Variants in ROPN1L observed in about 807,000 individuals in gnomAD.
ROPN1L encodes the protein rhophilin associated tail protein 1 like.
Under a neutral mutation model 22.7 loss-of-function variants are expected in ROPN1L, and 23 were observed. The observed-to-expected ratio is 1.01, with a 90% confidence interval of 0.73 to 1.43. The LOEUF is 1.43. Ranked by LOEUF, ROPN1L falls within the 40% of genes most tolerant of loss-of-function variation. ROPN1L has a pLI of 0.00. For missense variants in ROPN1L, 271 were observed against 291.5 expected (o/e 0.93, Z 0.51); for synonymous variants, 116 against 117.8 (o/e 0.98, Z 0.10).
chr5:10,449,406 C>G (rs1741181985), intron 2 of ROPN1L, among the ~76,000 whole-genome samples: 1 of 152,004 alleles, frequency 6.6e-6, no homozygotes, highest in Non-Finnish European at 1.5e-5. Flanking sequence ...GTAATCCCAG[C>G]TACTTGGGAG....
rs528247336 is a variant in ROPN1L at position 10,450,239 on chromosome 5, GCT to G, written c.417+128_417+129del. The G allele has an allele frequency of 1.6e-4, 102 of 646,478 alleles. No individual in the cohort carries two copies. In the South Asian group the frequency reaches 2.3e-3, roughly 15 times the overall value. 40.0% of individuals were successfully genotyped at this position (646,478 alleles called of 1,614,324 possible). On this transcript the variant is annotated intron_variant, in intron 3 of 4. Transcript: ENST00000274134. Reference sequence around the variant, plus strand: ...TTGTCTTAGAAAAGCATTTCCCCCTGCTCCAGGCCTATTATATTAATATTTTC... The same window carrying G: ...TTGTCTTAGAAAAGCATTTCCCCCTGCCAGGCCTATTATATTAATATTTTC...
chr5:10,461,233 C>G lies in ROPN1L; in HGVS notation c.467C>G (p.Pro156Arg), dbSNP rs17851209. The G allele has an allele frequency of 6.2e-7, 1 of 1,614,138 alleles. No homozygotes were observed. Among genetic ancestry groups the G allele is most frequent in the Non-Finnish European group, 8.5e-7 (1 of 1,180,022 alleles). The change falls in exon 4 of 5, where the codon CCG (proline) becomes CGG (arginine). Residue 156 changes from proline to arginine, a missense_variant. Physicochemically the swap from Pro to Arg is moderately radical, Grantham distance 103. Transcript: ENST00000274134. ...CTGTGCGAGATCCTCACGGACGATC[C>G]GGAGGGCGGGCCCGCTCGCATCCCC... Reference protein sequence around the residue: ...KHLCEILTDDPEGGPARIPFK... With the variant: ...KHLCEILTDDREGGPARIPFK...
downstream of ROPN1L, among the ~76,000 whole-genome samples, chr5:10,473,722 G>A (rs918066785): frequency 2.0e-5 from 3 of 152,156 alleles, no homozygotes; most frequent in African/African-American, 7.2e-5. Flanking sequence ...TTTTGATTCC[G>A]AAAATAACAG....
At chr5:10,455,436 G>GCTTCC (rs754142313) in intron 3 of ROPN1L, among the ~76,000 whole-genome samples, 42 of 152,320 alleles carry the variant, frequency 2.8e-4, no homozygotes, top group Admixed American at 1.2e-3. Flanking sequence ...CCCTGAAGAC[G>GCTTCC]AAGGAGCCGC....
intron 3 of ROPN1L, among the ~76,000 whole-genome samples, chr5:10,459,675 C>T (rs1312919083): frequency 6.6e-6 from 1 of 152,156 alleles, no homozygotes; most frequent in Admixed American, 6.5e-5. Flanking sequence ...GGCTCCTTCC[C>T]CCTGGGTCTG....
In ROPN1L at chr5:10,464,899, G is replaced by T. The variant is rs1333615586; in HGVS notation, c.645G>T (p.Lys215Asn). 10 of 1,608,590 alleles carry T rather than the reference G, an allele frequency of 6.2e-6. No individual in the cohort carries two copies. The highest frequency in any genetic ancestry group is 8.5e-6 in the Non-Finnish European group (10 of 1,177,992). The change falls in exon 5 of 5, where the codon AAG becomes AAT. Residue 215 changes from lysine (K) to asparagine (N), a missense_variant. Lys to Asn is a moderately conservative substitution (Grantham distance 94, BLOSUM62 0). Coordinates refer to ENST00000274134, the MANE Select transcript of ROPN1L (RefSeq NM_031916.5). ...GTCTTTCAGATTTCTTCTTTCCAAAGAGGAAACTTTTAGAAAGCATTGAAA... is the reference window on the plus strand; with the variant it reads ...GTCTTTCAGATTTCTTCTTTCCAAATAGGAAACTTTTAGAAAGCATTGAAA... ...MIGLSDFFFPKRKLLESIENS... is the reference protein window; with the variant it reads ...MIGLSDFFFPNRKLLESIENS...
chr5:10,442,146 C>G lies in ROPN1L; in HGVS notation c.-22C>G, dbSNP rs566292292. ...TCGCAGCGCGCCGCGATTCACCAGC[C>G]TGGTCCCTTCTGCGGAGAGCGATGC... On this transcript the variant is annotated 5_prime_UTR_variant, in exon 1 of 5. Coordinates refer to ENST00000274134, the MANE Select transcript of ROPN1L (RefSeq NM_031916.5). The G allele has an allele frequency of 4.3e-6, 7 of 1,609,794 alleles. No homozygotes were observed. Among genetic ancestry groups the G allele is most frequent in the Non-Finnish European group, 5.9e-6 (7 of 1,176,984 alleles).
chr5:10,462,234 C>T (rs1735046026), intron 4 of ROPN1L, among the ~76,000 whole-genome samples: 1 of 152,236 alleles, frequency 6.6e-6, no homozygotes, highest in African/African-American at 2.4e-5. Context: ...GGAGATTCCA[C>T]AGATTTTACT....
chr5:10,445,849 G>A (rs1741044639), intron 1 of ROPN1L, among the ~76,000 whole-genome samples: 1 of 152,198 alleles, frequency 6.6e-6, no homozygotes, highest in African/African-American at 2.4e-5. Context: ...CTTGAGCCCA[G>A]GAGTTGGAGG....
At chr5:10,448,832 C>CCT (rs755156970) in intron 2 of ROPN1L, among the ~76,000 whole-genome samples, 1 of 152,202 alleles carries the variant, frequency 6.6e-6, no homozygotes, top group Non-Finnish European at 1.5e-5. Context: ...TGGGCAGCAG[C>CCT]CTCTGGTGTC....
chr5:10,469,488 A>T (rs914099430), downstream of ROPN1L, among the ~76,000 whole-genome samples: 5 of 152,162 alleles, frequency 3.3e-5, no homozygotes, highest in African/African-American at 1.2e-4. Flanking sequence ...TCCCGTCTCA[A>T]AAAAAGAAAA....
At chr5:10,481,683 T>C in the ROPN1L span, among the ~76,000 whole-genome samples, 2 of 152,104 alleles carry the variant, frequency 1.3e-5, no homozygotes, top group African/African-American at 4.8e-5. Flanking sequence ...CAAAACCCCA[T>C]GGGGGTGACG....
chr5:10,464,204 C>T (rs1383737608), intron 4 of ROPN1L, among the ~76,000 whole-genome samples: 1 of 152,202 alleles, frequency 6.6e-6, no homozygotes, highest in African/African-American at 2.4e-5. Flanking sequence ...TCTTTTTCCT[C>T]CTTCCTCTGT....
intron 1 of ROPN1L, among the ~76,000 whole-genome samples, chr5:10,447,627 A>G (rs1295840352): frequency 6.6e-6 from 1 of 152,222 alleles, no homozygotes; most frequent in Non-Finnish European, 1.5e-5. Flanking sequence ...CTATAATCCC[A>G]GCACTTTGGG....
the ROPN1L span, among the ~76,000 whole-genome samples, chr5:10,481,685 G>A: frequency 6.6e-6 from 1 of 152,214 alleles, no homozygotes; most frequent in Non-Finnish European, 1.5e-5. Flanking sequence ...AAACCCCATG[G>A]GGGTGACGTG....
At chr5:10,470,624 C>T (rs1164627491) in intron 4 of ROPN1L, among the ~76,000 whole-genome samples, 1 of 152,182 alleles carries the variant, frequency 6.6e-6, no homozygotes, top group Non-Finnish European at 1.5e-5. Context: ...AGCAGGGATC[C>T]CACGCTTTCC....
At chr5:10,444,696 C>T (rs1265949399) in intron 1 of ROPN1L, among the ~76,000 whole-genome samples, 3 of 150,756 alleles carry the variant, frequency 2.0e-5, no homozygotes, top group African/African-American at 2.4e-5. Context: ...GTCAGGAGTT[C>T]GAGACCAACC....
chr5:10,459,237 G>C (rs894541857), intron 3 of ROPN1L, among the ~76,000 whole-genome samples: 1 of 150,940 alleles, frequency 6.6e-6, no homozygotes, highest in Non-Finnish European at 1.5e-5. Context: ...GGCTGAGTCC[G>C]GCCCTTCCCA....
intron 3 of ROPN1L, among the ~76,000 whole-genome samples, chr5:10,451,965 A>ATCTAATCT (rs1554029689): frequency 5.4e-5 from 1 of 18,350 alleles, no homozygotes; most frequent in East Asian, 3.2e-3. Context: ...CTATCTATCT[A>ATCTAATCT]ATCTATCTAT....
Sources: gnomAD v4.1 joint callset for allele counts (sites outside exome capture counted in the v4.1 genomes callset) on GRCh38, gnomAD v4.1.1 for gene constraint, MANE v1.5 for transcripts, NCBI Gene and HGNC (gene_info 2026-07-23, HGNC 2026-07-21) for gene names.